The following RAB30 variants were observed in gnomAD, a reference collection of about 807,000 sequenced individuals.
RAB30 encodes the protein RAB30, member RAS oncogene family.
In RAB30, 9 loss-of-function variants were observed where a neutral mutation model predicts 25.1. That is an observed-to-expected ratio of 0.36 (90% CI 0.22 to 0.63). RAB30 has a LOEUF of 0.63. Ranked by LOEUF, RAB30 falls within the 20% of genes least tolerant of loss-of-function variation. The pLI, the probability that RAB30 is intolerant of heterozygous loss-of-function variation, is 0.69. For missense variants in RAB30, 140 were observed against 243.5 expected (o/e 0.58, Z 2.83); for synonymous variants, 77 against 86.4 (o/e 0.89, Z 0.60).
At chr11:83,027,133 C>G (rs1857739127) in intron 1 of RAB30, among the ~76,000 whole-genome samples, 1 of 152,096 alleles carries the variant, frequency 6.6e-6, no homozygotes, top group Non-Finnish European at 1.5e-5. Context: ...CCAGCATTTG[C>G]TTGAAATAAT....
chr11:83,006,280 G>A (rs1306654904), intron 1 of RAB30, among the ~76,000 whole-genome samples: 1 of 152,194 alleles, frequency 6.6e-6, no homozygotes, highest in African/African-American at 2.4e-5. Flanking sequence ...TATTACAACA[G>A]TATTTGGAAT....
chr11:82,992,736 A>AAC (rs113845129), intron 3 of RAB30, among the ~76,000 whole-genome samples: 9,724 of 131,066 alleles, frequency 0.074, 448 homozygotes, highest in East Asian at 0.26. Context: ...CTCTGTCACC[A>AAC]ACACACACAC....
chr11:83,020,808 C>T (rs183754425), intron 1 of RAB30, among the ~76,000 whole-genome samples: 1 of 152,172 alleles, frequency 6.6e-6, no homozygotes, highest in East Asian at 1.9e-4. Context: ...CTGAGAGCTG[C>T]AGACAATGGG....
At chr11:83,069,125 GA>G in intron 1 of RAB30, among the ~76,000 whole-genome samples, 1 of 152,274 alleles carries the variant, frequency 6.6e-6, no homozygotes, top group Non-Finnish European at 1.5e-5. Context: ...AACCGAAGCA[GA>G]AAGAAATGAA....
At chr11:82,986,669 G>A (rs1228559821) in intron 4 of RAB30, among the ~76,000 whole-genome samples, 1 of 152,224 alleles carries the variant, frequency 6.6e-6, no homozygotes, top group African/African-American at 2.4e-5. Flanking sequence ...TACAGGGCTT[G>A]GAGTTGATCT....
chr11:83,055,699 T>C (rs1417104222), intron 1 of RAB30, among the ~76,000 whole-genome samples: 1 of 152,238 alleles, frequency 6.6e-6, no homozygotes, highest in Non-Finnish European at 1.5e-5. Flanking sequence ...TAGGAGGTAA[T>C]TAGGCCATGA....
intron 1 of RAB30, among the ~76,000 whole-genome samples, chr11:83,002,010 G>GAA: frequency 6.6e-6 from 1 of 152,224 alleles, no homozygotes; most frequent in Middle Eastern, 3.4e-3. Context: ...TGCAGAAGAG[G>GAA]AAGCTGAGAC....
intron 1 of RAB30, among the ~76,000 whole-genome samples, chr11:83,031,130 C>A (rs1196045683): frequency 6.6e-6 from 1 of 152,226 alleles, no homozygotes. Context: ...ATCCTGCCAG[C>A]ACCTTGATCT....
At chr11:83,032,430 T>C (rs1565283908) in intron 1 of RAB30, among the ~76,000 whole-genome samples, 2 of 152,046 alleles carry the variant, frequency 1.3e-5, no homozygotes, top group African/African-American at 4.8e-5. Context: ...GGGCAGAGAG[T>C]AGACAAACAG....
chr11:83,036,446 G>A (rs1327501150), intron 1 of RAB30, among the ~76,000 whole-genome samples: 1 of 152,124 alleles, frequency 6.6e-6, no homozygotes, highest in Non-Finnish European at 1.5e-5. Flanking sequence ...GGGATTACAG[G>A]CATGAGCCAC....
intron 1 of RAB30, chr11:83,035,777 C>G (rs900871172): frequency 6.6e-6 from 1 of 152,194 alleles, no homozygotes; most frequent in Non-Finnish European, 1.5e-5. Context: ...GTAATCAGAT[C>G]GAGTATCACT....
chr11:82,984,703 G>A (rs975720178), intron 4 of RAB30, among the ~76,000 whole-genome samples: 4 of 152,158 alleles, frequency 2.6e-5, no homozygotes, highest in African/African-American at 9.7e-5. Flanking sequence ...CCCATCAGGA[G>A]GGCTCCTAAC....
intron 1 of RAB30, among the ~76,000 whole-genome samples, chr11:82,999,187 A>T (rs1857021823): frequency 2.0e-5 from 3 of 152,212 alleles, no homozygotes; most frequent in Non-Finnish European, 4.4e-5. Context: ...TTGTTTCTAC[A>T]AGTATATAAG....
At chr11:82,989,989 C>T (rs1280856969) in intron 3 of RAB30, among the ~76,000 whole-genome samples, 2 of 152,246 alleles carry the variant, frequency 1.3e-5, no homozygotes, top group Admixed American at 1.3e-4. Context: ...AAACAGCTCA[C>T]AGTCTATAGA....
chr11:83,055,010 CAAG>C (rs1258260874), intron 1 of RAB30, among the ~76,000 whole-genome samples: 1 of 152,166 alleles, frequency 6.6e-6, no homozygotes, highest in African/African-American at 2.4e-5. Context: ...CACTCACCTG[CAAG>C]AAGAAGCGTG....
intron 1 of RAB30, among the ~76,000 whole-genome samples, chr11:83,018,164 T>G (rs531958024): frequency 6.6e-6 from 1 of 152,260 alleles, no homozygotes; most frequent in East Asian, 1.9e-4. Context: ...CTGGGCATGG[T>G]GGCATGCGCC....
chr11:83,023,075 A>T (rs1268249731), intron 1 of RAB30, among the ~76,000 whole-genome samples: 1 of 152,104 alleles, frequency 6.6e-6, no homozygotes, highest in Non-Finnish European at 1.5e-5. Flanking sequence ...TGGGTGTTCA[A>T]TTTGTTACTC....
intron 1 of RAB30, among the ~76,000 whole-genome samples, chr11:83,058,821 C>T (rs1858506601): frequency 1.3e-5 from 2 of 152,180 alleles, no homozygotes; most frequent in African/African-American, 4.8e-5. Context: ...TATGACTTGC[C>T]CAAGATCGTG....
At chr11:83,004,832 T>C (rs1007477966) in intron 1 of RAB30, among the ~76,000 whole-genome samples, 4 of 152,022 alleles carry the variant, frequency 2.6e-5, no homozygotes, top group Non-Finnish European at 5.9e-5. Flanking sequence ...CTGTGTTCAG[T>C]AAGTGTACAC....
Sources: gnomAD v4.1 joint callset for allele counts (sites outside exome capture counted in the v4.1 genomes callset) on GRCh38, gnomAD v4.1.1 for gene constraint, MANE v1.5 for transcripts, NCBI Gene and HGNC (gene_info 2026-07-23, HGNC 2026-07-21) for gene names.